Variants in GMFG observed in about 807,000 individuals in gnomAD.
GMFG encodes the protein glia maturation factor gamma.
GMFG carries 21 observed loss-of-function variants against 26.1 expected under a neutral mutation model. That is an observed-to-expected ratio of 0.80 (90% CI 0.57 to 1.16). The LOEUF is 1.16. GMFG is among the 50% of genes most tolerant of loss of function. The pLI is 0.00. For missense variants in GMFG, 161 were observed against 178.3 expected, an observed-to-expected ratio of 0.90 and a Z score of 0.55; for synonymous variants, 65 against 60.8, an observed-to-expected ratio of 1.07 and a Z score of -0.32.
rs2075211825 is a variant in GMFG at position 39,328,390 on chromosome 19, A to C, written c.*87T>G. 1.2e-5 allele frequency: 10 copies of C among 847,628 alleles called. No homozygotes were observed. The highest frequency in any genetic ancestry group is 4.5e-4 in the Middle Eastern group (2 of 4,434). 52.5% of individuals were successfully genotyped at this position (847,628 alleles called of 1,614,324 possible). On this transcript the variant is annotated 3_prime_UTR_variant, in exon 7 of 7. Transcript: ENST00000597595. ...TTTTTGCATTTTAAAATTTATTTAA[A>C]GTCTTGGTTGTTCAGGTCCTAGGGG...
chr19:39,334,298 G>A (rs1437022791), intron 3 of GMFG, among the ~76,000 whole-genome samples: 4 of 152,116 alleles, frequency 2.6e-5, no homozygotes, highest in African/African-American at 9.7e-5. Context: ...TTACAGGCGT[G>A]AGCCACGGCA....
chr19:39,332,993 G>T, intron 4 of GMFG, 84 bp downstream of exon 4: 1 of 903,346 alleles, frequency 1.1e-6, no homozygotes, highest in Non-Finnish European at 1.8e-6. Flanking sequence ...AATAGGGCTG[G>T]AACTCCAGCA....
At chr19:39,331,783 T>G (rs527718359) in intron 4 of GMFG, among the ~76,000 whole-genome samples, 15 of 152,218 alleles carry the variant, frequency 9.9e-5, no homozygotes, top group African/African-American at 2.9e-4. Flanking sequence ...TCTAAAAATT[T>G]TTTTAATAAA....
rs749375024 is a variant in GMFG, at chr19:39,329,069, G to T, written c.288C>A (p.Cys96Ter). ...LCFIFSSPVG[C>*]KPEQQMMYAG... Reference sequence around the variant, plus strand: ...CATACATCATCTGTTGTTCCGGCTTGCAGCCTGCGTGGAAAAGAGGAGAAA... The same window carrying T: ...CATACATCATCTGTTGTTCCGGCTTTCAGCCTGCGTGGAAAAGAGGAGAAA... Residue 96 changes from cysteine to a stop codon, truncating the protein, a stop_gained, in exon 6 of 7, where the codon TGC becomes TGA. Transcript: ENST00000597595. LOFTEE classifies it high-confidence loss of function. 2.5e-6 allele frequency: 4 copies of T among 1,611,958 alleles called. No individual in the cohort carries two copies. The highest frequency in any genetic ancestry group is 2.5e-6 in the Non-Finnish European group (3 of 1,178,196).
At chr19:39,329,499 C>T (rs748216740) in intron 5 of GMFG, 45 bp downstream of exon 5, 1 of 1,115,056 alleles carries the variant, frequency 9.0e-7, no homozygotes, top group Admixed American at 1.7e-5. Context: ...CACACACACA[C>T]AGAATCGAAG....
In GMFG at chr19:39,329,560, G is replaced by T. The variant is rs767923581; in HGVS notation, c.267C>A (p.Ile89=). The T allele has an allele frequency of 1.2e-6, 2 of 1,602,886 alleles. No homozygotes were observed. Among genetic ancestry groups the T allele is most frequent in the African/African-American group, 1.3e-5 (1 of 74,688 alleles). The part of the protein sequence containing the change: ...DGRVSYPLCF[I]FSSPVGCKPE... Reference sequence around the variant, plus strand: ...GTGTCTCACCCACAGGGCTGGAGAAGATGAAACACAAAGGGTAGGACACTC... The same window carrying T: ...GTGTCTCACCCACAGGGCTGGAGAATATGAAACACAAAGGGTAGGACACTC... Residue 89 remains isoleucine, a synonymous_variant, in exon 5 of 7, where the codon ATC becomes ATA. Coordinates refer to ENST00000597595, the MANE Select transcript of GMFG (RefSeq NM_004877.4).
In GMFG at chr19:39,333,112, C is replaced by G. The variant is rs2075233826; in HGVS notation, c.165G>C (p.Glu55Asp). 6.3e-7 allele frequency: 1 copy of G among 1,597,854 alleles called. No homozygotes were observed. Among genetic ancestry groups the G allele is most frequent in the South Asian group, 1.1e-5 (1 of 90,616 alleles). The change falls in exon 4 of 7, where the codon GAG becomes GAC. Residue 55 changes from glutamate (E) to aspartate (D), a missense_variant. Coordinates refer to ENST00000597595, the MANE Select transcript of GMFG (RefSeq NM_004877.4). ...TCTCCGGCAACTCCATTTTGAGCTCCTCTGGGGAAATGTTCTGAGGCAAGA... is the reference window on the plus strand; with the variant it reads ...TCTCCGGCAACTCCATTTTGAGCTCGTCTGGGGAAATGTTCTGAGGCAAGA... The part of the protein sequence containing the change: ...LEEEFQNISP[E>D]ELKMELPERQ...
In GMFG at chr19:39,329,031, T is replaced by C; in HGVS notation, c.326A>G (p.Asn109Ser). The C allele has an allele frequency of 5.0e-6, 8 of 1,613,614 alleles. No individual in the cohort carries two copies. Among genetic ancestry groups the C allele is most frequent in the Non-Finnish European group, 6.8e-6 (8 of 1,179,564 alleles). ...GAGCTCTGCTGTCTGCACCAGCCTG[T>C]TTTTACTCCCTGCATACATCATCTG... ...EQQMMYAGSK[N>S]RLVQTAELTK... Residue 109 changes from asparagine (N) to serine (S), a missense_variant, in exon 6 of 7, where the codon AAC becomes AGC. Transcript: ENST00000597595.
At chr19:39,330,567 T>C (rs568632886) in intron 4 of GMFG, among the ~76,000 whole-genome samples, 1 of 151,570 alleles carries the variant, frequency 6.6e-6, no homozygotes, top group East Asian at 1.9e-4. Flanking sequence ...TAGCTGGGAG[T>C]ATAGGTGCAC....
At position 39,335,536 on chromosome 19, in the gene GMFG, C is replaced by G; in HGVS notation, c.4-5G>C. 6.2e-7 allele frequency: 1 copy of G among 1,603,140 alleles called. No homozygotes were observed. Among genetic ancestry groups the G allele is most frequent in the African/African-American group, 1.3e-5 (1 of 74,786 alleles). ...GCACACCACCAGGGAGTCAGACTGC[C>G]GGAGGGACCCAGGAAGAGCTGAAAT... On this transcript the variant is annotated splice_region_variant and splice_polypyrimidine_tract_variant and intron_variant, in intron 1 of 6. Coordinates refer to ENST00000597595, the MANE Select transcript of GMFG (RefSeq NM_004877.4).
At chr19:39,332,284 C>T (rs938912534) in intron 4 of GMFG, among the ~76,000 whole-genome samples, 9 of 150,942 alleles carry the variant, frequency 6.0e-5, no homozygotes, top group African/African-American at 2.2e-4. Flanking sequence ...GAGTCAAGAT[C>T]GCGCCACTGC....
At chr19:39,328,590 C>T in intron 6 of GMFG, 42 bp from the exon 7 acceptor site, 1 of 1,462,828 alleles carries the variant, frequency 6.8e-7, no homozygotes, top group East Asian at 2.3e-5. Context: ...TACTCAAACA[C>T]TGAGACAGTG....
intron 1 of GMFG, 105 bp from the exon 2 acceptor site, chr19:39,335,636 C>T: frequency 6.2e-6 from 5 of 806,050 alleles, no homozygotes; most frequent in South Asian, 5.5e-5. Context: ...TCGCGCCGGC[C>T]CATCTGATGC....
At chr19:39,335,899 C>A in intron 1 of GMFG, 75 bp downstream of exon 1, 1 of 1,042,842 alleles carries the variant, frequency 9.6e-7, no homozygotes, top group South Asian at 1.3e-5. Context: ...ATAGCCTGAC[C>A]TTCGCCCAGG....
At chr19:39,333,224 C>T (rs1263763120) in intron 3 of GMFG, 98 bp from the exon 4 acceptor site, 1 of 594,920 alleles carries the variant, frequency 1.7e-6, no homozygotes, top group African/African-American at 2.0e-5. Context: ...GCAGGCGGAT[C>T]ACAAGGTCAG....
chr19:39,331,246 G>A (rs1327131406), intron 4 of GMFG, among the ~76,000 whole-genome samples: 2 of 152,166 alleles, frequency 1.3e-5, no homozygotes, highest in Non-Finnish European at 2.9e-5. Context: ...ACCTGTTCAG[G>A]GAGGCAGCCA....
chr19:39,331,082 G>A (rs951191270), intron 4 of GMFG, among the ~76,000 whole-genome samples: 1 of 152,196 alleles, frequency 6.6e-6, no homozygotes, highest in African/African-American at 2.4e-5. Context: ...CCTCGGGCAT[G>A]AGGATATGCG....
chr19:39,335,577 C>T (rs1354422236), intron 1 of GMFG, 46 bp from the exon 2 acceptor site: 2 of 1,268,902 alleles, frequency 1.6e-6, no homozygotes, highest in Non-Finnish European at 2.3e-6. Context: ...GGCCTCAGCC[C>T]TCACCCCTTC....
intron 3 of GMFG, among the ~76,000 whole-genome samples, chr19:39,333,803 A>T (rs1452341699): frequency 6.6e-6 from 1 of 152,026 alleles, no homozygotes; most frequent in Non-Finnish European, 1.5e-5. Flanking sequence ...CAGAGTTGAG[A>T]TTTGAATCTG....
Sources: gnomAD v4.1 joint callset for allele counts (sites outside exome capture counted in the v4.1 genomes callset) on GRCh38, gnomAD v4.1.1 for gene constraint, MANE v1.5 for transcripts, NCBI Gene and HGNC (gene_info 2026-07-23, HGNC 2026-07-21) for gene names.